The following PRKN variants were observed in gnomAD, a reference collection of about 807,000 sequenced individuals.
PRKN encodes the protein E3 ubiquitin-protein ligase parkin.
PRKN carries 56 observed loss-of-function variants against 59.5 expected under a neutral mutation model. The observed-to-expected ratio is 0.94, with a 90% CI of 0.76 to 1.18. The LOEUF (loss-of-function observed/expected upper bound fraction) is 1.18. Ranked by LOEUF, PRKN falls within the 50% of genes most tolerant of loss-of-function variation. PRKN has a pLI of 0.00. For synonymous variants in PRKN, 250 were observed against 222.1 expected, an observed-to-expected ratio of 1.13 and a Z score of -1.12; for missense variants, 657 against 596.4, an observed-to-expected ratio of 1.10 and a Z score of -1.06.
At position 162,354,117 on chromosome 6, in the gene PRKN, T is replaced by G. The variant is rs533046313; in HGVS notation, c.171+89193A>C. 2.6e-5 allele frequency among the ~76,000 whole-genome samples: 4 copies of G among 152,290 alleles called. No individual in the cohort carries two copies. In the South Asian group the frequency reaches 6.2e-4, roughly 24 times the overall value. On this transcript the variant is annotated intron_variant, in intron 2 of 11. Transcript: ENST00000366898. Reference sequence around the variant, plus strand: ...ATTCTGCAGCATATGGAAATTTGCCTCTGCAATGTTATGTATTCCTGTGAC... The same window carrying G: ...ATTCTGCAGCATATGGAAATTTGCCGCTGCAATGTTATGTATTCCTGTGAC...
At chr6:162,542,491 C>T (rs1778964894) in intron 1 of PRKN, among the ~76,000 whole-genome samples, 2 of 152,032 alleles carry the variant, frequency 1.3e-5, no homozygotes, top group South Asian at 4.1e-4. Context: ...AAATGTTTTA[C>T]ATACGGCATT....
At position 161,498,776 on chromosome 6, in the gene PRKN, C is replaced by T. The variant is rs755682756; in HGVS notation, c.1083+50078G>A. 6.6e-6 allele frequency among the ~76,000 whole-genome samples: 1 copy of T among 152,182 alleles called. No homozygotes were observed. The highest frequency in any genetic ancestry group is 1.5e-5 in the Non-Finnish European group (1 of 68,032). ...ACTGAAATGTTGAAGTTGTTTGTTA[C>T]TGCAACAGACTTTAGTCTGTGCTGA... On this transcript the variant is annotated intron_variant, in intron 9 of 11. Transcript: ENST00000366898. The surrounding 1 kb of genome is among the most constrained non-coding windows in gnomAD (Gnocchi z 4.2).
In PRKN at chr6:161,385,218, T is replaced by A. The variant is rs1010308328; in HGVS notation, c.1167+1576A>T. 3.9e-5 allele frequency among the ~76,000 whole-genome samples: 6 copies of A among 152,040 alleles called. No homozygotes were observed. The highest frequency in any genetic ancestry group is 7.4e-5 in the Non-Finnish European group (5 of 68,014). On this transcript the variant is annotated intron_variant, in intron 10 of 11. Transcript: ENST00000366898. The surrounding 1 kb of genome is among the most constrained non-coding windows in gnomAD (Gnocchi z 4.9). ...GCTGGGATTACAGGCATAAGCCACC[T>A]CGCCCGGCCGGGAAATATACTTTTC... is the stretch of plus-strand genomic sequence containing the variant.
intron 4 of PRKN, among the ~76,000 whole-genome samples, chr6:162,131,507 G>C (rs1283538916): frequency 6.6e-6 from 1 of 152,174 alleles, no homozygotes; most frequent in Non-Finnish European, 1.5e-5. Context: ...TGTGGAAGGG[G>C]TTTGGGACTG....
chr6:162,002,291 G>A (rs867701714), intron 5 of PRKN, among the ~76,000 whole-genome samples: 9 of 152,162 alleles, frequency 5.9e-5, no homozygotes, highest in Middle Eastern at 3.4e-3. Context: ...TGGAGCTGGT[G>A]CTTTCTCTTT....
At chr6:162,660,198 C>G (rs1249052567) in intron 1 of PRKN, among the ~76,000 whole-genome samples, 1 of 152,116 alleles carries the variant, frequency 6.6e-6, no homozygotes, top group Non-Finnish European at 1.5e-5. Context: ...AGAAGTCACC[C>G]TCATTTTTTT....
intron 3 of PRKN, among the ~76,000 whole-genome samples, chr6:162,228,824 G>A (rs1778299260): frequency 6.6e-6 from 1 of 152,096 alleles, no homozygotes; most frequent in Admixed American, 6.5e-5. Flanking sequence ...GCACTGTTCT[G>A]ATTTTTCAAA....
chr6:162,051,171 A>G (rs2128284603), intron 5 of PRKN, among the ~76,000 whole-genome samples: 1 of 152,284 alleles, frequency 6.6e-6, no homozygotes, highest in East Asian at 1.9e-4. Context: ...CGCCTCCTTC[A>G]GAATTCCAAA....
In PRKN at chr6:161,967,930, G is replaced by A. The variant is rs115978095; in HGVS notation, c.734+5372C>T. Reference sequence around the variant, plus strand: ...GAAAATCAGAATAGAGGAAACAGCTGTCTCAGGGAGGGTGAAGGACTGATT... The same window carrying A: ...GAAAATCAGAATAGAGGAAACAGCTATCTCAGGGAGGGTGAAGGACTGATT... On this transcript the variant is annotated intron_variant, in intron 6 of 11. Transcript: ENST00000366898. Among the ~76,000 whole-genome samples the A allele has an allele frequency of 4.8e-3, 738 of 152,282 alleles. 10 individuals are homozygous for A. Among genetic ancestry groups the A allele is most frequent in the African/African-American group, 0.017 (721 of 41,556 alleles).
At chr6:161,568,717 T>C (rs1450510670) in intron 8 of PRKN, among the ~76,000 whole-genome samples, 1 of 152,196 alleles carries the variant, frequency 6.6e-6, no homozygotes, top group East Asian at 1.9e-4. Flanking sequence ...GAGTTTGTAG[T>C]TCCATATAGG....
chr6:162,357,884 TC>T (rs1784943399), intron 2 of PRKN, among the ~76,000 whole-genome samples: 1 of 152,192 alleles, frequency 6.6e-6, no homozygotes, highest in Non-Finnish European at 1.5e-5. Flanking sequence ...CAGTGAAAGA[TC>T]AGTGATTGCC....
rs1045135662 is a variant in PRKN, at chr6:162,587,076, A to T, written c.7+140586T>A. ...CTATTTTAATAAAGAACTACATTTT[A>T]ACAAACATTTAATTAAAATGTTTTT... On this transcript the variant is annotated intron_variant, in intron 1 of 11. Coordinates refer to ENST00000366898, the MANE Select transcript of PRKN (RefSeq NM_004562.3). Among the ~76,000 whole-genome samples the T allele has an allele frequency of 2.6e-5, 4 of 152,252 alleles. No homozygotes were observed. The East Asian group carries it at 7.7e-4, about 29-fold the overall frequency.
chr6:162,318,707 T>C (rs1392655203), intron 2 of PRKN, among the ~76,000 whole-genome samples: 2 of 152,024 alleles, frequency 1.3e-5, no homozygotes, highest in East Asian at 2.0e-4. Context: ...ATGTTGAGTG[T>C]CTTTTACTGA....
chr6:162,149,005 A>G (rs1450364816), intron 4 of PRKN, among the ~76,000 whole-genome samples: 1 of 152,120 alleles, frequency 6.6e-6, no homozygotes, highest in Non-Finnish European at 1.5e-5. Context: ...TCATTCATTC[A>G]TACTTAAGAT....
At chr6:161,902,806 C>T (rs1033145754) in intron 6 of PRKN, among the ~76,000 whole-genome samples, 1 of 152,090 alleles carries the variant, frequency 6.6e-6, no homozygotes, top group African/African-American at 2.4e-5. Context: ...ATCTGCCCAC[C>T]TCGGCCTCCC....
intron 2 of PRKN, among the ~76,000 whole-genome samples, chr6:162,412,732 T>C (rs897281006): frequency 6.6e-6 from 1 of 152,210 alleles, no homozygotes; most frequent in Non-Finnish European, 1.5e-5. Context: ...TGCTTATCTT[T>C]TGTTTATCAC....
At chr6:162,367,038 C>T (rs768821728) in intron 2 of PRKN, among the ~76,000 whole-genome samples, 1 of 152,122 alleles carries the variant, frequency 6.6e-6, no homozygotes, top group African/African-American at 2.4e-5. Context: ...CCATAATCCC[C>T]ATGTGTTACG....
chr6:162,404,382 A>AG (rs200739164), intron 2 of PRKN, among the ~76,000 whole-genome samples: 1 of 150,718 alleles, frequency 6.6e-6, no homozygotes, highest in African/African-American at 2.4e-5. Flanking sequence ...AAAAAAAAAA[A>AG]GAAAGAAAGA....
At chr6:162,611,763 G>A (rs770106467) in intron 1 of PRKN, among the ~76,000 whole-genome samples, 5 of 152,336 alleles carry the variant, frequency 3.3e-5, no homozygotes, top group Admixed American at 6.5e-5. Flanking sequence ...TCAATACCAA[G>A]TATGCAGTAG....
Sources: gnomAD v4.1 joint callset for allele counts (sites outside exome capture counted in the v4.1 genomes callset) on GRCh38, gnomAD v4.1.1 for gene constraint, Gnocchi (gnomAD v3.1) non-coding constraint, MANE v1.5 for transcripts, NCBI Gene and HGNC (gene_info 2026-07-23, HGNC 2026-07-21) for gene names.